TADA1: variants seen among roughly 807,000 people sequenced by gnomAD.
TADA1 encodes the protein transcriptional adapter 1.
In TADA1, 23 loss-of-function variants were observed where a neutral mutation model predicts 39.3. The observed-to-expected ratio is 0.58, with a 90% CI of 0.42 to 0.83. The LOEUF is 0.83. Among genes scored for constraint, TADA1 ranks in the 40% least tolerant of loss-of-function variants. The probability of loss-of-function intolerance (pLI) is 0.00; values close to 1 mark genes in which losing one functional copy is unlikely to be tolerated. For synonymous variants in TADA1, 137 were observed against 151.8 expected (o/e 0.90, Z 0.72); for missense variants, 352 against 408.1 (o/e 0.86, Z 1.18).
Position 166,857,531 on chromosome 1 carries a change from G to T in TADA1, c.*36C>A, listed in dbSNP as rs754043370. 6.2e-7 allele frequency: 1 copy of T among 1,606,650 alleles called. No individual in the cohort carries two copies. On this transcript the variant is annotated 3_prime_UTR_variant, in exon 8 of 8. Transcript: ENST00000367874. ...AAACATTCAATTTTCAGTAATCAATGAATTCGGTGAGGGTCCCACACCCTC... is the reference window on the plus strand; with the variant it reads ...AAACATTCAATTTTCAGTAATCAATTAATTCGGTGAGGGTCCCACACCCTC...
intron 6 of TADA1, among the ~76,000 whole-genome samples, 193 bp downstream of exon 6, chr1:166,859,993 A>G (rs1658369517): frequency 6.6e-6 from 1 of 152,172 alleles, no homozygotes; most frequent in East Asian, 1.9e-4. Flanking sequence ...CTGCAACTTC[A>G]CTTCTCATAA....
chr1:166,858,537 GA>G (rs1416550553), intron 6 of TADA1, among the ~76,000 whole-genome samples: 4 of 152,078 alleles, frequency 2.6e-5, no homozygotes, highest in African/African-American at 9.7e-5. Flanking sequence ...ACTTCCAGTT[GA>G]AAAAACTAAC....
chr1:166,868,295 T>C (rs750640645), intron 3 of TADA1, among the ~76,000 whole-genome samples: 1 of 152,222 alleles, frequency 6.6e-6, no homozygotes, highest in Non-Finnish European at 1.5e-5. Flanking sequence ...CCCCTCAACA[T>C]GCTACTATCC....
intron 3 of TADA1, among the ~76,000 whole-genome samples, chr1:166,865,330 G>A (rs1571239688): frequency 6.6e-6 from 1 of 152,126 alleles, no homozygotes; most frequent in Admixed American, 6.5e-5. Flanking sequence ...AAGCAACTAT[G>A]AGGGCTAAAG....
At chr1:166,869,315 C>A in intron 3 of TADA1, 130 bp downstream of exon 3, 3 of 577,288 alleles carry the variant, frequency 5.2e-6, no homozygotes, top group Non-Finnish European at 5.9e-6. Context: ...TTTGTATCTA[C>A]CTAATAAAAC....
chr1:166,863,342 GT>G (rs1340319990), intron 4 of TADA1: 1 of 158,596 alleles, frequency 6.3e-6, no homozygotes, highest in South Asian at 1.9e-4. Context: ...CTTCGGGGAA[GT>G]TTTTTTCCCT....
chr1:166,870,581 A>G (rs1482554239), intron 1 of TADA1, among the ~76,000 whole-genome samples: 1 of 152,200 alleles, frequency 6.6e-6, no homozygotes, highest in Non-Finnish European at 1.5e-5. Flanking sequence ...TAGTCCCAGC[A>G]CTTTGGGAGG....
intron 1 of TADA1, among the ~76,000 whole-genome samples, chr1:166,870,779 T>C (rs952813206): frequency 6.6e-6 from 1 of 152,110 alleles, no homozygotes; most frequent in Non-Finnish European, 1.5e-5. Context: ...CGGCGAGCCA[T>C]GATCACACCA....
intron 5 of TADA1, among the ~76,000 whole-genome samples, chr1:166,860,900 C>T (rs1658394492): frequency 6.6e-6 from 1 of 152,108 alleles, no homozygotes; most frequent in South Asian, 2.1e-4. Context: ...AACTTCTGAC[C>T]TCAGGTGACC....
intron 6 of TADA1, among the ~76,000 whole-genome samples, chr1:166,859,651 G>A (rs1368537874): frequency 6.6e-6 from 1 of 152,050 alleles, no homozygotes; most frequent in Non-Finnish European, 1.5e-5. Flanking sequence ...AATCCCAGAG[G>A]TGAGCTGAGA....
intron 1 of TADA1, 78 bp from the exon 2 acceptor site, chr1:166,869,932 G>A: frequency 7.9e-7 from 1 of 1,270,552 alleles, no homozygotes; most frequent in Non-Finnish European, 1.1e-6. Flanking sequence ...TTTTTTTAAA[G>A]AGACGGGGTT....
intron 1 of TADA1, among the ~76,000 whole-genome samples, chr1:166,874,362 A>G (rs529105677): frequency 3.3e-5 from 5 of 152,114 alleles, no homozygotes; most frequent in Non-Finnish European, 7.4e-5. Context: ...GGTAAATTTT[A>G]TCAGTCGGTA....
intron 6 of TADA1, among the ~76,000 whole-genome samples, chr1:166,859,070 C>A (rs4657607): frequency 0.37 from 55,531 of 152,080 alleles, 10,258 homozygotes; most frequent in Middle Eastern, 0.5. Flanking sequence ...CAAACAGATA[C>A]GCCTGAATGG....
intron 7 of TADA1, 77 bp downstream of exon 7, chr1:166,858,042 G>A: frequency 6.5e-7 from 1 of 1,546,682 alleles, no homozygotes; most frequent in Non-Finnish European, 8.8e-7. Flanking sequence ...GAAAAAACCA[G>A]TGAATACCTT....
At chr1:166,876,107 G>A (rs973109890) in intron 1 of TADA1, 53 bp downstream of exon 1, 7 of 1,551,766 alleles carry the variant, frequency 4.5e-6, no homozygotes, top group Admixed American at 3.8e-5. Flanking sequence ...GCAGCCCGAG[G>A]CCAGGAGAGC....
At chr1:166,866,757 T>A (rs1161038699) in intron 3 of TADA1, among the ~76,000 whole-genome samples, 2 of 152,000 alleles carry the variant, frequency 1.3e-5, no homozygotes, top group South Asian at 2.1e-4. Flanking sequence ...TTTATTTTTT[T>A]TTTTTGAGAC....
Position 166,869,484 on chromosome 1 carries a change from C to T in TADA1, c.193G>A (p.Ala65Thr), listed in dbSNP as rs766624565. 34 of 1,613,582 alleles carry T rather than the reference C, an allele frequency of 2.1e-5. No individual in the cohort carries two copies. The highest frequency in any genetic ancestry group is 2.9e-5 in the Non-Finnish European group (34 of 1,179,782). Residue 65 changes from alanine to threonine, a missense_variant, in exon 3 of 8, where the codon GCC becomes ACC. Around this residue, in one of 3 missense-constraint regions of TADA1, gnomAD observed 36 missense variants for 72.0 expected, o/e 0.50. Transcript: ENST00000367874. ...NVHSHNDFLL[A>T]ILTRCQILVS... The stretch of plus-strand genomic sequence containing the variant: ...AAAATCTGACAACGCGTGAGAATGG[C>T]CAGGAGGAAATCATTGTGAGAATGG...
intron 7 of TADA1, 117 bp downstream of exon 7, chr1:166,858,002 C>A: frequency 7.5e-7 from 1 of 1,332,752 alleles, no homozygotes; most frequent in Non-Finnish European, 1.0e-6. Context: ...TTATAACAGA[C>A]AAAACTGAAA....
intron 4 of TADA1, 200 bp from the exon 5 acceptor site, chr1:166,862,612 T>A: frequency 1.7e-6 from 1 of 598,190 alleles, no homozygotes. Context: ...AGACATGGAT[T>A]AAGGGGAATA....
Sources: gnomAD v4.1 joint callset for allele counts (sites outside exome capture counted in the v4.1 genomes callset) on GRCh38, gnomAD v4.1.1 for gene constraint, gnomAD v4.1.1 regional missense constraint, MANE v1.5 for transcripts, NCBI Gene and HGNC (gene_info 2026-07-23, HGNC 2026-07-21) for gene names.